The following SPRED2 variants were observed in gnomAD, a reference collection of about 807,000 sequenced individuals.
SPRED2 encodes sprouty-related, EVH1 domain-containing protein 2.
SPRED2 carries 47 observed loss-of-function variants against 43.0 expected under a neutral mutation model. That is an observed-to-expected ratio of 1.09 (90% CI 0.87 to 1.40). The LOEUF (loss-of-function observed/expected upper bound fraction) is 1.40. Ranked by LOEUF, SPRED2 falls within the 40% of genes most tolerant of loss-of-function variation. The pLI, the probability that SPRED2 is intolerant of heterozygous loss-of-function variation, is 0.00. For missense variants in SPRED2, 561 were observed against 586.4 expected (o/e 0.96, Z 0.45); for synonymous variants, 225 against 225.7 (o/e 1.00, Z 0.03).
At chr2:65,427,134 C>G (rs1459750630) in intron 1 of SPRED2, among the ~76,000 whole-genome samples, 1 of 152,100 alleles carries the variant, frequency 6.6e-6, no homozygotes, top group African/African-American at 2.4e-5. Context: ...TGCAGTGGTA[C>G]GATCACAGCT....
intron 1 of SPRED2, among the ~76,000 whole-genome samples, chr2:65,428,377 G>A (rs541437952): frequency 3.3e-5 from 5 of 152,312 alleles, no homozygotes; most frequent in African/African-American, 1.2e-4. Flanking sequence ...CGTTACAAAC[G>A]CATTTAACTC....
intron 4 of SPRED2, among the ~76,000 whole-genome samples, chr2:65,330,698 A>G (rs1673786622): frequency 6.6e-6 from 1 of 152,214 alleles, no homozygotes; most frequent in South Asian, 2.1e-4. Flanking sequence ...CAAATGCATA[A>G]TGACATGCAT....
In SPRED2 at chr2:65,312,569, CA is replaced by C; in HGVS notation, c.*931del. 1.0e-6 allele frequency: 1 copy of C among 985,642 alleles called. No individual in the cohort carries two copies. Among genetic ancestry groups the C allele is most frequent in the Non-Finnish European group, 1.2e-6 (1 of 829,910 alleles). The allele number at this position is 985,642 out of a possible 1,614,324, so 61.1% of individuals were successfully genotyped here. ...GGAAACTATTTGGTTTGCAAAACAA[CA>C]AGCAAAATTTCTTACTTCACTAGTA... On this transcript the variant is annotated 3_prime_UTR_variant, in exon 6 of 6. Coordinates refer to ENST00000356388, the MANE Select transcript of SPRED2 (RefSeq NM_181784.3).
chr2:65,310,831 A>G (rs1268659855), downstream of SPRED2: 1 of 980,094 alleles, frequency 1.0e-6, no homozygotes, highest in Non-Finnish European at 1.2e-6. Context: ...CCTGCCAGAC[A>G]AATACCCCAA....
chr2:65,313,868 G>A lies in SPRED2; in HGVS notation c.890C>T (p.Ser297Leu), dbSNP rs1308584438. 3 of 1,610,676 alleles carry A rather than the reference G, an allele frequency of 1.9e-6. No homozygotes were observed. The highest frequency in any genetic ancestry group is 1.7e-5 in the Admixed American group (1 of 60,010). ...CTCTCCGTCCTCCTTCCGCCGCCGC[G>A]ACTTGCCCCGGGAGGGCTGCGTCTT... is the stretch of plus-strand genomic sequence containing the variant. ...VIKTQPSRGK[S>L]RRRKEDGERS... The change falls in exon 6 of 6, where the codon TCG becomes TTG. Residue 297 changes from serine (S) to leucine (L), a missense_variant. This residue lies in a region of SPRED2 where 164 missense variants were observed against 164.1 expected (regional missense o/e 1.00). Transcript: ENST00000356388.
intron 1 of SPRED2, among the ~76,000 whole-genome samples, chr2:65,385,412 A>T (rs1282809452): frequency 6.6e-6 from 1 of 152,224 alleles, no homozygotes; most frequent in East Asian, 1.9e-4. Flanking sequence ...AGGGCGTCTG[A>T]ACAGGAACTT....
chr2:65,356,718 G>A (rs1173936624), intron 1 of SPRED2, among the ~76,000 whole-genome samples: 1 of 151,878 alleles, frequency 6.6e-6, no homozygotes, highest in African/African-American at 2.4e-5. Flanking sequence ...CTGGCCGGGC[G>A]CGGTGGTTCA....
intron 1 of SPRED2, among the ~76,000 whole-genome samples, chr2:65,404,891 G>A (rs1467631484): frequency 6.6e-6 from 1 of 152,114 alleles, no homozygotes; most frequent in African/African-American, 2.4e-5. Flanking sequence ...ACACCCCTGG[G>A]CCCTTTTATG....
At chr2:65,384,975 CT>C (rs35418849) in intron 1 of SPRED2, among the ~76,000 whole-genome samples, 39 of 139,812 alleles carry the variant, frequency 2.8e-4, no homozygotes, top group African/African-American at 5.7e-4. Context: ...TCCACTTCTT[CT>C]TTTTTTTTTT....
At position 65,406,804 on chromosome 2, in the gene SPRED2, G is replaced by A. The variant is rs569570891; in HGVS notation, c.26+25158C>T. On this transcript the variant is annotated intron_variant, in intron 1 of 5. Coordinates refer to ENST00000356388, the MANE Select transcript of SPRED2 (RefSeq NM_181784.3). ...ATAAAGGCAGCCGCACTTCCTTAGA[G>A]ATAAAATCCACCTTTCCTGAGAGCT... Among the ~76,000 whole-genome samples, 3 of 152,334 alleles carry A rather than the reference G, an allele frequency of 2.0e-5. No individual in the cohort carries two copies. In the East Asian group the frequency reaches 5.8e-4, roughly 29 times the overall value.
intron 1 of SPRED2, among the ~76,000 whole-genome samples, chr2:65,383,710 T>C (rs1382469020): frequency 6.6e-6 from 1 of 152,176 alleles, no homozygotes; most frequent in African/African-American, 2.4e-5. Context: ...TCTCTTATCA[T>C]TTGGAGAATA....
chr2:65,359,106 T>G (rs1299234444), intron 1 of SPRED2, among the ~76,000 whole-genome samples: 3 of 152,216 alleles, frequency 2.0e-5, no homozygotes, highest in Non-Finnish European at 4.4e-5. Flanking sequence ...AGGGTCACAA[T>G]GACTGTTGGT....
At chr2:65,334,827 C>T in intron 2 of SPRED2, 54 bp from the exon 3 acceptor site, 1 of 1,591,878 alleles carries the variant, frequency 6.3e-7, no homozygotes, top group East Asian at 2.2e-5. Flanking sequence ...ATGATGATGT[C>T]TGGTTACAGA....
chr2:65,341,736 C>G (rs571601349), intron 2 of SPRED2, among the ~76,000 whole-genome samples: 1 of 152,068 alleles, frequency 6.6e-6, no homozygotes, highest in East Asian at 1.9e-4. Context: ...TAATGTCTTA[C>G]CAGTGACTAG....
At chr2:65,352,495 T>G (rs1558664844) in intron 1 of SPRED2, among the ~76,000 whole-genome samples, 1 of 152,260 alleles carries the variant, frequency 6.6e-6, no homozygotes, top group Non-Finnish European at 1.5e-5. Context: ...GCTCTATGTT[T>G]ATCAAGAGGA....
At chr2:65,372,410 T>C (rs1408665865) in intron 1 of SPRED2, among the ~76,000 whole-genome samples, 3 of 152,060 alleles carry the variant, frequency 2.0e-5, no homozygotes, top group Admixed American at 6.6e-5. Context: ...TGGGAAAGTA[T>C]GGGAAGAGCC....
intron 4 of SPRED2, among the ~76,000 whole-genome samples, chr2:65,319,798 A>T (rs1264039852): frequency 6.6e-6 from 1 of 152,066 alleles, no homozygotes; most frequent in African/African-American, 2.4e-5. Context: ...TCTCCATGTC[A>T]CACACTGGCA....
At chr2:65,341,373 G>A (rs572173651) in intron 2 of SPRED2, among the ~76,000 whole-genome samples, 1 of 152,068 alleles carries the variant, frequency 6.6e-6, no homozygotes, top group African/African-American at 2.4e-5. Flanking sequence ...TGATGGGGGA[G>A]GGGATGAGGC....
intron 2 of SPRED2, among the ~76,000 whole-genome samples, chr2:65,337,655 C>T (rs1039825610): frequency 6.6e-6 from 1 of 152,160 alleles, no homozygotes; most frequent in Admixed American, 6.5e-5. Context: ...TTGTTTTTAA[C>T]TTGCTTTTTA....
Sources: gnomAD v4.1 joint callset for allele counts (sites outside exome capture counted in the v4.1 genomes callset) on GRCh38, gnomAD v4.1.1 for gene constraint, gnomAD v4.1.1 regional missense constraint, MANE v1.5 for transcripts, NCBI Gene and HGNC (gene_info 2026-07-23, HGNC 2026-07-21) for gene names.